RGPD2: variants seen among roughly 807,000 people sequenced by gnomAD.
The protein encoded by RGPD2 is RANBP2 like and GRIP domain containing 2, also known as RANBP2-like and GRIP domain-containing protein 2.
Under a neutral mutation model 36.0 loss-of-function variants are expected in RGPD2, and 2 were observed. That is an observed-to-expected ratio of 0.06 (90% confidence interval 0.02 to 0.17). The LOEUF (loss-of-function observed/expected upper bound fraction) is 0.17. RGPD2 is among the 10% of genes least tolerant of loss of function. The pLI, the probability that RGPD2 is intolerant of heterozygous loss-of-function variation, is 1.00. For synonymous variants in RGPD2, 19 were observed against 163.8 expected, an observed-to-expected ratio of 0.12 and a Z score of 6.75; for missense variants, 40 against 464.3, an observed-to-expected ratio of 0.09 and a Z score of 8.40.
chr2:87,864,588 A>C, the RGPD2 span, among the ~76,000 whole-genome samples: 142 of 143,684 alleles, frequency 9.9e-4, no homozygotes, highest in South Asian at 5.4e-3. Context: ...ATAGATAGAT[A>C]GATAGATAGA....
chr2:87,890,633 A>T, the RGPD2 span, among the ~76,000 whole-genome samples: 1 of 151,764 alleles, frequency 6.6e-6, no homozygotes, highest in African/African-American at 2.4e-5. Flanking sequence ...TTGACCTTTG[A>T]CAAATCTCCT....
the RGPD2 span, among the ~76,000 whole-genome samples, chr2:87,932,740 G>C: frequency 6.6e-6 from 1 of 151,990 alleles, no homozygotes; most frequent in Non-Finnish European, 1.5e-5. Context: ...AAAATTCTGG[G>C]TTGGAGATTC....
At chr2:87,972,659 G>T in the RGPD2 span, 1 of 1,484,946 alleles carries the variant, frequency 6.7e-7, no homozygotes, top group Middle Eastern at 2.4e-4. Flanking sequence ...TGGAGGTATG[G>T]CTCGGGCCAG....
the RGPD2 span, among the ~76,000 whole-genome samples, chr2:87,929,012 T>G: frequency 6.6e-6 from 1 of 151,990 alleles, no homozygotes; most frequent in African/African-American, 2.4e-5. Context: ...CGGGTTACTC[T>G]ATTGACAGTA....
At chr2:87,985,915 C>G in the RGPD2 span, 3 of 1,571,754 alleles carry the variant, frequency 1.9e-6, no homozygotes, top group Non-Finnish European at 2.6e-6. Flanking sequence ...CATGTTTGTA[C>G]TATTAAAAGC....
intron 1 of RGPD2, chr2:87,825,162 A>C (rs1686650408): frequency 2.5e-6 from 1 of 392,418 alleles, no homozygotes; most frequent in Non-Finnish European, 4.5e-6. Context: ...TGCCCGCCGC[A>C]GTACTGATCA....
the RGPD2 span, among the ~76,000 whole-genome samples, chr2:87,882,521 C>T: frequency 2.0e-5 from 3 of 152,190 alleles, no homozygotes; most frequent in South Asian, 2.1e-4. Flanking sequence ...ATTTTGAAAT[C>T]CCATTGTATG....
the RGPD2 span, among the ~76,000 whole-genome samples, chr2:87,856,925 A>G: frequency 6.6e-6 from 1 of 152,136 alleles, no homozygotes; most frequent in South Asian, 2.1e-4. Flanking sequence ...TTTGACTATC[A>G]GCAGATGTTT....
intron 6 of RGPD2, among the ~76,000 whole-genome samples, chr2:87,809,562 A>G (rs1574020055): frequency 1.5e-5 from 2 of 133,060 alleles, no homozygotes; most frequent in East Asian, 2.5e-4. Flanking sequence ...CCAGCTACTC[A>G]GGAGGCTGAG....
the RGPD2 span, among the ~76,000 whole-genome samples, chr2:87,925,430 TC>T: frequency 7.7e-5 from 1 of 12,988 alleles, no homozygotes; most frequent in African/African-American, 3.0e-4. Flanking sequence ...CAATTTAGAT[TC>T]CCCATCTCCC....
chr2:87,825,109 G>C (rs1440831049), intron 1 of RGPD2: 3 of 387,280 alleles, frequency 7.7e-6, no homozygotes, highest in Non-Finnish European at 1.4e-5. Flanking sequence ...CAAAGTGAAC[G>C]AAAATCTGTT....
the RGPD2 span, among the ~76,000 whole-genome samples, chr2:87,919,502 T>C: frequency 6.6e-6 from 1 of 152,000 alleles, no homozygotes; most frequent in Non-Finnish European, 1.5e-5. Context: ...TGAGTGATAA[T>C]GAGGTGAAGT....
At chr2:87,939,422 C>A in the RGPD2 span, among the ~76,000 whole-genome samples, 2 of 151,938 alleles carry the variant, frequency 1.3e-5, no homozygotes, top group Non-Finnish European at 2.9e-5. Context: ...TTATTGTTTG[C>A]AAGTCTTTAA....
chr2:87,985,454 A>T, the RGPD2 span, among the ~76,000 whole-genome samples: 3 of 150,084 alleles, frequency 2.0e-5, no homozygotes, highest in Non-Finnish European at 3.0e-5. Flanking sequence ...CACTAATCCT[A>T]GCATAACTTG....
At chr2:87,988,531 ATATATATATAT>A in the RGPD2 span, among the ~76,000 whole-genome samples, 2 of 25,010 alleles carry the variant, frequency 8.0e-5, no homozygotes, top group Non-Finnish European at 1.3e-4. Context: ...ATAAATATAT[ATATATATATAT>A]TTTTTTTTTT....
chr2:87,938,224 C>A, the RGPD2 span, among the ~76,000 whole-genome samples: 1 of 151,572 alleles, frequency 6.6e-6, no homozygotes, highest in African/African-American at 2.4e-5. Context: ...GATCTTGTGA[C>A]AATTAGTAAA....
the RGPD2 span, among the ~76,000 whole-genome samples, chr2:87,866,731 T>C: frequency 3.9e-5 from 6 of 152,100 alleles, no homozygotes; most frequent in East Asian, 1.2e-3. Context: ...AGGGGTATGT[T>C]TGCAATGGCC....
At chr2:87,919,711 T>A in the RGPD2 span, among the ~76,000 whole-genome samples, 1 of 146,254 alleles carries the variant, frequency 6.8e-6, no homozygotes, top group Non-Finnish European at 1.5e-5. Context: ...AGGTCACACA[T>A]TGATACAGCA....
rs1329887497 is a variant in RGPD2, at chr2:87,824,742, GGCCGCCGCC to G, written c.72+907_72+915del. Among the ~76,000 whole-genome samples, 63 of 87,710 alleles carry G rather than the reference GGCCGCCGCC, an allele frequency of 7.2e-4. 1 individual carries two copies. Among genetic ancestry groups the G allele is most frequent in the African/African-American group, 9.7e-4 (23 of 23,666 alleles). 57.5% of individuals were successfully genotyped at this position (87,710 alleles called of 152,430 possible). A position where few individuals can be genotyped will look rare whatever the true frequency, so the allele number is the denominator to read the frequency against. Reference sequence around the variant, plus strand: ...CGCCGCCGCCGCCCGGCCAGGCCGAGGCCGCCGCCGCCGCCGCCGCCGCCGCCCGGCCAG... The same window carrying G: ...CGCCGCCGCCGCCCGGCCAGGCCGAGGCCGCCGCCGCCGCCGCCCGGCCAG... On this transcript the variant is annotated intron_variant, in intron 1 of 22. Coordinates refer to ENST00000398146, the MANE Select transcript of RGPD2 (RefSeq NM_001078170.3).
Sources: allele counts gnomAD v4.1 joint callset (sites outside exome capture counted in the v4.1 genomes callset), GRCh38; gene constraint gnomAD v4.1.1; transcripts MANE v1.5; gene names NCBI Gene and HGNC (gene_info 2026-07-23, HGNC 2026-07-21).